IGF1: variants seen among roughly 807,000 people sequenced by gnomAD.
The protein encoded by IGF1 is insulin-like growth factor 1.
In IGF1, 4 loss-of-function variants were observed where a neutral mutation model predicts 13.8. The observed-to-expected ratio is 0.29, with a 90% CI of 0.14 to 0.66. IGF1 has a LOEUF of 0.66. Among genes scored for constraint, IGF1 ranks in the 30% least tolerant of loss-of-function variants. The pLI, the probability that IGF1 is intolerant of heterozygous loss-of-function variation, is 0.78. For missense variants in IGF1, 124 were observed against 188.5 expected, an observed-to-expected ratio of 0.66 and a Z score of 2.00; for synonymous variants, 76 against 72.6, an observed-to-expected ratio of 1.05 and a Z score of -0.23.
At chr12:102,456,572 A>C (rs564890680) in intron 2 of IGF1, among the ~76,000 whole-genome samples, 8 of 152,066 alleles carry the variant, frequency 5.3e-5, no homozygotes, top group African/African-American at 1.7e-4. Context: ...TTGGCGTTCC[A>C]TGCTTCTCTG....
At position 102,459,665 on chromosome 12, in the gene IGF1, C is replaced by T. The variant is rs116788228; in HGVS notation, c.220+15978G>A. ...GCTTTACAAGGTCACCGGCTAAAAA[C>T]TCCACTTGCTCTTGAGGAAATATCC... On this transcript the variant is annotated intron_variant, in intron 2 of 3. Coordinates refer to ENST00000337514, the MANE Select transcript of IGF1 (RefSeq NM_000618.5). Among the ~76,000 whole-genome samples the T allele has an allele frequency of 4.3e-3, 661 of 152,286 alleles. 8 individuals are homozygous for T. Among genetic ancestry groups the T allele is most frequent in the African/African-American group, 0.015 (624 of 41,554 alleles).
At chr12:102,466,037 T>C (rs1447228785) in intron 2 of IGF1, among the ~76,000 whole-genome samples, 2 of 152,084 alleles carry the variant, frequency 1.3e-5, no homozygotes, top group African/African-American at 4.8e-5. Context: ...ATCAAACTTC[T>C]AAGCACAGGG....
Position 102,458,730 on chromosome 12 carries a change from C to CAAAAAAAAAAAA in IGF1, c.220+16901_220+16912dup, listed in dbSNP as rs397825972. Among the ~76,000 whole-genome samples the CAAAAAAAAAAAA allele has an allele frequency of 6.3e-3, 459 of 73,214 alleles. 19 individuals carry two copies. The highest frequency in any genetic ancestry group is 0.018 in the South Asian group (27 of 1,538). 48.0% of individuals were successfully genotyped at this position (73,214 alleles called of 152,430 possible). A position where few individuals can be genotyped will look rare whatever the true frequency, so the allele number is the denominator to read the frequency against. Reference sequence around the variant, plus strand: ...TTAAGCAGATGGTAGGAACACTGACCAAAAAAAAAAAAAAAAACCAAAAAC... The same window carrying CAAAAAAAAAAAA: ...TTAAGCAGATGGTAGGAACACTGACCAAAAAAAAAAAAAAAAAAAAAAAAAAAAACCAAAAAC... On this transcript the variant is annotated intron_variant, in intron 2 of 3. Coordinates refer to ENST00000337514, the MANE Select transcript of IGF1 (RefSeq NM_000618.5).
chr12:102,410,675 T>A (rs1012040311), intron 3 of IGF1, among the ~76,000 whole-genome samples: 2 of 152,246 alleles, frequency 1.3e-5, no homozygotes, highest in Non-Finnish European at 2.9e-5. Flanking sequence ...CCTTTTGGTG[T>A]CATTTCAATG....
At chr12:102,471,971 T>C (rs2137254962) in intron 2 of IGF1, among the ~76,000 whole-genome samples, 1 of 152,274 alleles carries the variant, frequency 6.6e-6, no homozygotes, top group East Asian at 1.9e-4. Context: ...TTGAAGCTCT[T>C]TTTCTCTTGG....
intron 2 of IGF1, among the ~76,000 whole-genome samples, chr12:102,433,798 A>T (rs1876957915): frequency 6.6e-6 from 1 of 152,160 alleles, no homozygotes; most frequent in African/African-American, 2.4e-5. Context: ...GAAGAAACCT[A>T]ACACCAGGGC....
chr12:102,463,992 A>T (rs755525030), intron 2 of IGF1, among the ~76,000 whole-genome samples: 15 of 152,202 alleles, frequency 9.9e-5, no homozygotes, highest in Non-Finnish European at 1.8e-4. Flanking sequence ...TCAATTCTGC[A>T]TTGGCAAATA....
At chr12:102,418,474 T>C (rs904631332) in intron 3 of IGF1, among the ~76,000 whole-genome samples, 2 of 152,264 alleles carry the variant, frequency 1.3e-5, no homozygotes, top group Non-Finnish European at 2.9e-5. Context: ...GAAGGTGTCA[T>C]GGTGAACTTC....
rs759892587 is a variant in IGF1, at chr12:102,417,865, C to G, written c.402+1644G>C. ...CATTCAGCATTTCTACTTCCAATCT[C>G]CCTCCTCTGCTCTTTCTTCTTTCCT... On this transcript the variant is annotated intron_variant, in intron 3 of 3. Transcript: ENST00000337514. 12 of 1,613,866 alleles carry G rather than the reference C, an allele frequency of 7.4e-6. No individual in the cohort carries two copies. The African/African-American group carries it at 9.3e-5, about 13-fold the overall frequency.
intron 3 of IGF1, among the ~76,000 whole-genome samples, chr12:102,408,716 C>A (rs1228893533): frequency 6.6e-6 from 1 of 152,138 alleles, no homozygotes; most frequent in Non-Finnish European, 1.5e-5. Context: ...TGAGGCAGAC[C>A]TATTTCTGAG....
intron 3 of IGF1, among the ~76,000 whole-genome samples, chr12:102,410,586 A>C (rs1223906485): frequency 1.3e-5 from 2 of 152,192 alleles, no homozygotes; most frequent in Non-Finnish European, 2.9e-5. Context: ...CATACAATTT[A>C]TGCTAGAGTT....
chr12:102,437,767 G>A (rs568743729), intron 2 of IGF1, among the ~76,000 whole-genome samples: 14 of 152,292 alleles, frequency 9.2e-5, no homozygotes, highest in African/African-American at 3.1e-4. Context: ...TAAAAAAGAG[G>A]ATATTGAATG....
chr12:102,411,012 T>TA (rs1198471393), intron 3 of IGF1, among the ~76,000 whole-genome samples: 2 of 152,182 alleles, frequency 1.3e-5, no homozygotes, highest in African/African-American at 4.8e-5. Context: ...CATACAGTTT[T>TA]AAAAAAATCA....
intron 2 of IGF1, among the ~76,000 whole-genome samples, chr12:102,422,159 T>G (rs1875784048): frequency 6.6e-6 from 1 of 152,210 alleles, no homozygotes; most frequent in Admixed American, 6.5e-5. Flanking sequence ...ATCGATGGGT[T>G]TAGGTACAGA....
Position 102,480,425 on chromosome 12 carries a change from A to C in IGF1, c.-44T>G. ...TCTGAAAATGAATTGGTTAGCAGGA[A>C]TAATGAAGCAAAAAGAAATCCAGAG... On this transcript the variant is annotated 5_prime_UTR_variant, in exon 1 of 4. Coordinates refer to ENST00000337514, the MANE Select transcript of IGF1 (RefSeq NM_000618.5). 2 of 1,612,534 alleles carry C rather than the reference A, an allele frequency of 1.2e-6. No homozygotes were observed. The highest frequency in any genetic ancestry group is 2.2e-5 in the South Asian group (2 of 91,046).
intron 2 of IGF1, among the ~76,000 whole-genome samples, chr12:102,475,384 T>A (rs887385282): frequency 1.3e-5 from 2 of 151,978 alleles, no homozygotes; most frequent in African/African-American, 4.8e-5. Flanking sequence ...GTGAGGTGGA[T>A]CATAATAGTT....
At position 102,474,895 on chromosome 12, in the gene IGF1, T is replaced by C. The variant is rs5742623; in HGVS notation, c.220+748A>G. On this transcript the variant is annotated intron_variant, in intron 2 of 3. Transcript: ENST00000337514. Reference sequence around the variant, plus strand: ...TTGGCTGTCTACTTTTTACTGGCTGTTGACTTTCTAATCACCTAAGAGCTA... The same window carrying C: ...TTGGCTGTCTACTTTTTACTGGCTGCTGACTTTCTAATCACCTAAGAGCTA... Among the ~76,000 whole-genome samples the C allele has an allele frequency of 9.7e-3, 1,484 of 152,326 alleles. 41 individuals are homozygous for C. Among genetic ancestry groups the C allele is most frequent in the Admixed American group, 0.064 (980 of 15,288 alleles).
chr12:102,396,722 G>C lies in IGF1; in HGVS notation c.*5785C>G, dbSNP rs1337340019. Reference sequence around the variant, plus strand: ...AAGGTAATTCAGCTCCGGTTATTAGGAGAAACTCTGTCTCCATCTTAACTC... The same window carrying C: ...AAGGTAATTCAGCTCCGGTTATTAGCAGAAACTCTGTCTCCATCTTAACTC... On this transcript the variant is annotated 3_prime_UTR_variant, in exon 4 of 4. Coordinates refer to ENST00000337514, the MANE Select transcript of IGF1 (RefSeq NM_000618.5). The C allele has an allele frequency of 1.5e-5, 6 of 393,892 alleles. No homozygotes were observed. The Admixed American group carries it at 2.2e-4, about 15-fold the overall frequency. The allele number at this position is 393,892 out of a possible 1,614,324, so 24.4% of individuals were successfully genotyped here. A position where few individuals can be genotyped will look rare whatever the true frequency, so the allele number is the denominator to read the frequency against.
chr12:102,436,615 G>A (rs1877242192), intron 2 of IGF1, among the ~76,000 whole-genome samples: 1 of 152,146 alleles, frequency 6.6e-6, no homozygotes, highest in Admixed American at 6.5e-5. Flanking sequence ...TGGCAAAGGA[G>A]GGTGGAAGGG....
Sources: gnomAD v4.1 joint callset for allele counts (sites outside exome capture counted in the v4.1 genomes callset) on GRCh38, gnomAD v4.1.1 for gene constraint, MANE v1.5 for transcripts, NCBI Gene and HGNC (gene_info 2026-07-23, HGNC 2026-07-21) for gene names.